The following HMGA2 variants were observed in gnomAD, a reference collection of about 807,000 sequenced individuals.
The protein encoded by HMGA2 is high mobility group AT-hook 2.
In HMGA2, 8 loss-of-function variants were observed where a neutral mutation model predicts 19.1. The observed-to-expected ratio is 0.42, with a 90% CI of 0.25 to 0.76. The LOEUF is 0.76. HMGA2 is among the 30% of genes least tolerant of loss of function. The pLI, the probability that HMGA2 is intolerant of heterozygous loss-of-function variation, is 0.28. For missense variants in HMGA2, 109 were observed against 136.3 expected, an observed-to-expected ratio of 0.80 and a Z score of 1.00; for synonymous variants, 60 against 48.8, an observed-to-expected ratio of 1.23 and a Z score of -0.96.
intron 4 of HMGA2, chr12:65,952,317 G>C (rs2121314704): frequency 6.8e-7 from 1 of 1,467,218 alleles, no homozygotes; most frequent in East Asian, 2.5e-5. Context: ...TTTTTCCCTA[G>C]AAGTCTTTAC....
chr12:65,832,560 A>C (rs1034051753), intron 2 of HMGA2, among the ~76,000 whole-genome samples: 1 of 152,052 alleles, frequency 6.6e-6, no homozygotes, highest in Non-Finnish European at 1.5e-5. Flanking sequence ...TAAATCATTC[A>C]AACATGTCTT....
intron 3 of HMGA2, among the ~76,000 whole-genome samples, chr12:65,865,633 C>CTTTTTTTTTTTT (rs952845162): frequency 2.3e-5 from 3 of 131,802 alleles, no homozygotes; most frequent in Admixed American, 7.7e-5. Flanking sequence ...ATCTATTTTT[C>CTTTTTTTTTTTT]TTTTTTTTTT....
At chr12:65,961,242 C>T (rs181154839) in intron 4 of HMGA2, among the ~76,000 whole-genome samples, 5 of 152,242 alleles carry the variant, frequency 3.3e-5, no homozygotes, top group Admixed American at 6.5e-5. Flanking sequence ...TGGGGACAAA[C>T]GAGGTGTGTA....
chr12:65,935,256 T>A (rs182749610), intron 3 of HMGA2: 1 of 152,174 alleles, frequency 6.6e-6, no homozygotes, highest in Non-Finnish European at 1.5e-5. Flanking sequence ...TATATGTATA[T>A]AGGGAATTTT....
chr12:65,950,726 G>T (rs767283455), intron 3 of HMGA2, among the ~76,000 whole-genome samples: 1 of 152,094 alleles, frequency 6.6e-6, no homozygotes, highest in Admixed American at 6.5e-5. Flanking sequence ...CTCAGTGAAG[G>T]TGTTTTAAAA....
chr12:65,835,619 T>C (rs536286262), intron 2 of HMGA2, among the ~76,000 whole-genome samples: 1 of 152,226 alleles, frequency 6.6e-6, no homozygotes, highest in African/African-American at 2.4e-5. Flanking sequence ...GAGATGCTCA[T>C]TTAAAAGTCA....
intron 4 of HMGA2, chr12:65,956,553 T>G (rs1276999927): frequency 6.6e-6 from 1 of 152,234 alleles, no homozygotes; most frequent in Non-Finnish European, 1.5e-5. Flanking sequence ...ACAGGAATAT[T>G]GGCAGGATGA....
At chr12:65,894,882 T>A (rs1874060071) in intron 3 of HMGA2, among the ~76,000 whole-genome samples, 1 of 152,170 alleles carries the variant, frequency 6.6e-6, no homozygotes, top group Admixed American at 6.5e-5. Flanking sequence ...GAGAAGTGTT[T>A]TATATGATTA....
At chr12:65,927,272 A>G (rs1399554185) in intron 3 of HMGA2, among the ~76,000 whole-genome samples, 1 of 152,142 alleles carries the variant, frequency 6.6e-6, no homozygotes, top group Non-Finnish European at 1.5e-5. Flanking sequence ...AACCAAGCCT[A>G]TTTTCTGAAA....
chr12:65,951,253 A>C, intron 3 of HMGA2, 130 bp from the exon 4 acceptor site: 1 of 631,768 alleles, frequency 1.6e-6, no homozygotes, highest in East Asian at 2.9e-5. Context: ...TTAACATTGG[A>C]TATACCAGTT....
chr12:65,922,587 T>C (rs1237583831), intron 3 of HMGA2, among the ~76,000 whole-genome samples: 1 of 152,192 alleles, frequency 6.6e-6, no homozygotes, highest in Non-Finnish European at 1.5e-5. Flanking sequence ...TTGTCTCAGA[T>C]TAGACTTTGG....
intron 3 of HMGA2, among the ~76,000 whole-genome samples, chr12:65,854,477 C>T (rs1871630690): frequency 6.6e-6 from 1 of 152,140 alleles, no homozygotes; most frequent in Non-Finnish European, 1.5e-5. Context: ...TTAGATTTCC[C>T]CAGTTTCGCA....
rs1870034726 is a variant in HMGA2 at position 65,824,722 on chromosome 12, T to TCTCTCC, written c.-544_-543insCCTCTC. 1 of 109,718 alleles carries TCTCTCC rather than the reference T, an allele frequency of 9.1e-6. No individual in the cohort carries two copies. Among genetic ancestry groups the TCTCTCC allele is most frequent in the Non-Finnish European group, 1.9e-5 (1 of 51,500 alleles). The allele number at this position is 109,718 out of a possible 1,614,324, so 6.8% of individuals were successfully genotyped here. ...TTTCAATCTCAATCTCTTCTCTCTC[T>TCTCTCC]CTCTCTCTCTCTCTCTCTCTCTCTC... On this transcript the variant is annotated 5_prime_UTR_variant, in exon 1 of 5. Transcript: ENST00000403681.
At chr12:65,863,352 A>T (rs1268530685) in intron 3 of HMGA2, among the ~76,000 whole-genome samples, 1 of 152,232 alleles carries the variant, frequency 6.6e-6, no homozygotes, top group Non-Finnish European at 1.5e-5. Context: ...CAAGGTGAAC[A>T]TCTGTAAAGA....
At chr12:65,906,275 T>G (rs956547519) in intron 3 of HMGA2, among the ~76,000 whole-genome samples, 6 of 152,110 alleles carry the variant, frequency 3.9e-5, no homozygotes, top group African/African-American at 1.4e-4. Context: ...GGAGGGGCGA[T>G]CCTTTGGAAG....
intron 2 of HMGA2, among the ~76,000 whole-genome samples, chr12:65,837,881 T>G (rs1323586891): frequency 3.3e-5 from 5 of 152,198 alleles, no homozygotes; most frequent in Non-Finnish European, 7.4e-5. Context: ...TGATGATTTC[T>G]GCCTGCTTTT....
chr12:65,861,760 C>G (rs1356002635), intron 3 of HMGA2, among the ~76,000 whole-genome samples: 1 of 150,242 alleles, frequency 6.7e-6, no homozygotes, highest in East Asian at 1.9e-4. Flanking sequence ...TTTTTTCTCT[C>G]TGTGAACTGG....
At chr12:65,866,965 G>A in intron 3 of HMGA2, 1 of 456,688 alleles carries the variant, frequency 2.2e-6, no homozygotes, top group Non-Finnish European at 4.4e-6. Context: ...CTGGTAGAGA[G>A]AGAGATTGAG....
chr12:65,888,517 C>T (rs1873757793), intron 3 of HMGA2, among the ~76,000 whole-genome samples: 1 of 143,528 alleles, frequency 7.0e-6, no homozygotes, highest in Non-Finnish European at 1.5e-5. Context: ...CTCATAGACT[C>T]ATTCATCCAA....
Sources: allele counts gnomAD v4.1 joint callset (sites outside exome capture counted in the v4.1 genomes callset), GRCh38; gene constraint gnomAD v4.1.1; transcripts MANE v1.5; gene names NCBI Gene and HGNC (gene_info 2026-07-23, HGNC 2026-07-21).